Variants in PLD5 observed in about 807,000 individuals in gnomAD.
The protein encoded by PLD5 is phospholipase D family member 5.
PLD5 carries 36 observed loss-of-function variants against 61.1 expected under a neutral mutation model. The observed-to-expected ratio is 0.59, with a 90% CI of 0.45 to 0.78. The LOEUF is 0.78. Among genes scored for constraint, PLD5 ranks in the 30% least tolerant of loss-of-function variants. The pLI, the probability that PLD5 is intolerant of heterozygous loss-of-function variation, is 0.00. For missense variants in PLD5, 515 were observed against 644.4 expected, an observed-to-expected ratio of 0.80 and a Z score of 2.17; for synonymous variants, 243 against 242.8, an observed-to-expected ratio of 1.00 and a Z score of -0.01.
intron 2 of PLD5, among the ~76,000 whole-genome samples, chr1:242,312,288 G>GA (rs1453713431): frequency 1.3e-5 from 2 of 150,600 alleles, no homozygotes; most frequent in Admixed American, 6.6e-5. Context: ...TTGGGCATTT[G>GA]AAAAAAATAG....
chr1:242,213,226 A>G (rs1299870917), intron 5 of PLD5, among the ~76,000 whole-genome samples: 2 of 152,214 alleles, frequency 1.3e-5, no homozygotes, highest in African/African-American at 4.8e-5. Context: ...CAATAATGAA[A>G]GGCCAGCTTG....
At chr1:242,302,474 T>C (rs1676112260) in intron 2 of PLD5, among the ~76,000 whole-genome samples, 1 of 152,192 alleles carries the variant, frequency 6.6e-6, no homozygotes, top group African/African-American at 2.4e-5. Flanking sequence ...TCCAAGCATT[T>C]TTGGAGGCTG....
At chr1:242,242,040 CACACAT>C (rs1296237395) in intron 4 of PLD5, among the ~76,000 whole-genome samples, 5 of 146,418 alleles carry the variant, frequency 3.4e-5, no homozygotes, top group African/African-American at 1.3e-4. Flanking sequence ...CACACACACA[CACACAT>C]ATGGTTGATG....
intron 5 of PLD5, among the ~76,000 whole-genome samples, chr1:242,142,932 G>T (rs550626967): frequency 6.6e-6 from 1 of 151,974 alleles, no homozygotes; most frequent in African/African-American, 2.4e-5. Context: ...TGGCCAGGCT[G>T]CTCTTGAACT....
chr1:242,186,879 C>G (rs1378969669), intron 5 of PLD5, among the ~76,000 whole-genome samples: 3 of 152,164 alleles, frequency 2.0e-5, no homozygotes, highest in Admixed American at 2.0e-4. Context: ...AATAAGCAAA[C>G]AAACACCTCA....
intron 5 of PLD5, among the ~76,000 whole-genome samples, chr1:242,167,936 G>A (rs1354857838): frequency 1.3e-5 from 2 of 152,224 alleles, no homozygotes; most frequent in African/African-American, 4.8e-5. Context: ...TGCTGGAGGA[G>A]GAAGTGGTTC....
chr1:242,317,734 GA>G lies in PLD5; in HGVS notation c.327-29205del, dbSNP rs35037707. On this transcript the variant is annotated intron_variant, in intron 2 of 9. Transcript: ENST00000536534. The stretch of plus-strand genomic sequence containing the variant: ...CATAGCTAAGAATCTCATTTCAAAG[GA>G]AAAAAAAAAAACCTGGCCATGTTCC... 1.0e-3 allele frequency among the ~76,000 whole-genome samples: 154 copies of G among 147,298 alleles called. 1 individual carries two copies. Among genetic ancestry groups the G allele is most frequent in the African/African-American group, 3.2e-3 (129 of 40,146 alleles).
chr1:242,377,383 C>A, intron 1 of PLD5: 1 of 1,469,252 alleles, frequency 6.8e-7, no homozygotes, highest in Non-Finnish European at 9.5e-7. Flanking sequence ...AACTCCAAAA[C>A]TGGTTCTTCT....
chr1:242,378,505 G>A (rs528124140), intron 1 of PLD5, among the ~76,000 whole-genome samples: 1 of 151,922 alleles, frequency 6.6e-6, no homozygotes, highest in African/African-American at 2.4e-5. Context: ...TGGTTAAAAT[G>A]GTAAATTTTA....
At chr1:242,268,855 A>G (rs1255408025) in intron 3 of PLD5, among the ~76,000 whole-genome samples, 1 of 151,880 alleles carries the variant, frequency 6.6e-6, no homozygotes, top group Non-Finnish European at 1.5e-5. Flanking sequence ...TTTAATTTTA[A>G]CTTTTGAGAT....
intron 2 of PLD5, among the ~76,000 whole-genome samples, chr1:242,322,601 G>A (rs1658489668): frequency 6.6e-6 from 1 of 152,198 alleles, no homozygotes; most frequent in African/African-American, 2.4e-5. Flanking sequence ...GAGGTCTGGT[G>A]GGAGGTGACT....
intron 1 of PLD5, among the ~76,000 whole-genome samples, chr1:242,434,223 G>A (rs139998365): frequency 2.0e-5 from 3 of 152,304 alleles, no homozygotes; most frequent in Non-Finnish European, 4.4e-5. Flanking sequence ...GGTGGATGGC[G>A]GTCAGTTTCT....
intron 5 of PLD5, among the ~76,000 whole-genome samples, chr1:242,208,607 C>G (rs937221013): frequency 6.6e-6 from 1 of 152,108 alleles, no homozygotes; most frequent in African/African-American, 2.4e-5. Flanking sequence ...TTCCAGATAA[C>G]AAGCAGATCT....
chr1:242,196,589 T>A (rs1043309815), intron 5 of PLD5, among the ~76,000 whole-genome samples: 2 of 152,236 alleles, frequency 1.3e-5, no homozygotes, highest in Admixed American at 1.3e-4. Context: ...TACATATACA[T>A]GTACACACAC....
chr1:242,403,510 G>C (rs903589590), intron 1 of PLD5, among the ~76,000 whole-genome samples: 1 of 150,552 alleles, frequency 6.6e-6, no homozygotes, highest in African/African-American at 2.5e-5. Context: ...CGTCATCCAG[G>C]CTGGAGTGCA....
intron 2 of PLD5, among the ~76,000 whole-genome samples, chr1:242,317,099 C>G (rs1241990070): frequency 3.3e-5 from 5 of 151,924 alleles, no homozygotes; most frequent in African/African-American, 9.7e-5. Context: ...CCTCTGCCTC[C>G]TGGGTTCAAG....
intron 1 of PLD5, among the ~76,000 whole-genome samples, chr1:242,403,046 T>C: frequency 6.6e-6 from 1 of 152,240 alleles, no homozygotes; most frequent in African/African-American, 2.4e-5. Context: ...TCAAACCTTT[T>C]AGCGCCAGCC....
intron 1 of PLD5, among the ~76,000 whole-genome samples, chr1:242,465,114 T>C (rs577012315): frequency 5.3e-5 from 8 of 152,330 alleles, no homozygotes; most frequent in African/African-American, 7.2e-5. Flanking sequence ...TGCCACTGAA[T>C]TGTACATTGA....
chr1:242,503,304 C>T (rs1668616887), intron 1 of PLD5, among the ~76,000 whole-genome samples: 1 of 152,020 alleles, frequency 6.6e-6, no homozygotes, highest in African/African-American at 2.4e-5. Context: ...GGATGTGGCC[C>T]CTCCCATTCA....
Sources: gnomAD v4.1 joint callset for allele counts (sites outside exome capture counted in the v4.1 genomes callset) on GRCh38, gnomAD v4.1.1 for gene constraint, MANE v1.5 for transcripts, NCBI Gene and HGNC (gene_info 2026-07-23, HGNC 2026-07-21) for gene names.